MANBAL: variants seen among roughly 807,000 people sequenced by gnomAD.
MANBAL encodes the protein protein MANBAL.
In MANBAL, 1 loss-of-function variant was observed where a neutral mutation model predicts 6.4. The ratio of observed to expected loss-of-function variants is 0.16; its 90% CI spans 0.06 to 0.74. The LOEUF is 0.74. MANBAL is among the 30% of genes least tolerant of loss of function. The pLI, the probability that MANBAL is intolerant of heterozygous loss-of-function variation, is 0.78. For synonymous variants in MANBAL, 47 were observed against 45.8 expected (o/e 1.03, Z -0.10); for missense variants, 100 against 107.8 (o/e 0.93, Z 0.32).
chr20:37,298,477 G>A (rs552398315), intron 1 of MANBAL, among the ~76,000 whole-genome samples: 2 of 151,970 alleles, frequency 1.3e-5, no homozygotes, highest in African/African-American at 4.8e-5. Context: ...CATATAAGGG[G>A]ACTCATACAA....
chr20:37,308,785 A>G (rs887654211), intron 2 of MANBAL, among the ~76,000 whole-genome samples: 5 of 152,178 alleles, frequency 3.3e-5, no homozygotes, highest in African/African-American at 9.7e-5. Context: ...AAGGTGCACG[A>G]AGGTAACTAA....
At chr20:37,300,335 G>T (rs1165452890) in intron 1 of MANBAL, among the ~76,000 whole-genome samples, 1 of 151,996 alleles carries the variant, frequency 6.6e-6, no homozygotes, top group Non-Finnish European at 1.5e-5. Context: ...TACACAAATG[G>T]CTCCCTCTCT....
At chr20:37,313,468 G>A (rs2069436016) in intron 2 of MANBAL, among the ~76,000 whole-genome samples, 1 of 152,258 alleles carries the variant, frequency 6.6e-6, no homozygotes, top group Non-Finnish European at 1.5e-5. Flanking sequence ...ACTGTGGGAG[G>A]CTGAGGCGGG....
chr20:37,305,999 T>G (rs1378841649), intron 2 of MANBAL, among the ~76,000 whole-genome samples: 3 of 151,844 alleles, frequency 2.0e-5, no homozygotes, highest in Non-Finnish European at 2.9e-5. Context: ...GGTTTTAACA[T>G]GGGGACGGGG....
In MANBAL at chr20:37,316,240, G is replaced by A. The variant is rs1296263269; in HGVS notation, c.151-68G>A. On this transcript the variant is annotated intron_variant, in intron 2 of 2. Transcript: ENST00000373606. ...GTGGCATGCTTCTTTGCTTTCAGAT[G>A]TGATCTCCTTTTGCTGGCGTCAGGC... The A allele has an allele frequency of 4.2e-6, 6 of 1,418,604 alleles. No homozygotes were observed. In the South Asian group the frequency reaches 6.1e-5, roughly 14 times the overall value. The allele number at this position is 1,418,604 out of a possible 1,614,324, so 87.9% of individuals were successfully genotyped here. A position where few individuals can be genotyped will look rare whatever the true frequency, so the allele number is the denominator to read the frequency against.
intron 1 of MANBAL, among the ~76,000 whole-genome samples, chr20:37,289,906 G>T (rs111645111): frequency 1.3e-5 from 2 of 152,244 alleles, no homozygotes; most frequent in Admixed American, 6.5e-5. Context: ...GCCTGGGGCA[G>T]CCCTGCGCTT....
Position 37,316,446 on chromosome 20 carries a change from G to A in MANBAL, c.*31G>A. On this transcript the variant is annotated 3_prime_UTR_variant, in exon 3 of 3. Coordinates refer to ENST00000373606, the MANE Select transcript of MANBAL (RefSeq NM_001003897.2). ...GAGGCCTGAGGAGCTGGGCGGGCAGGGAGAGGGTCTTGGGGACAGCCCTCC... is the reference window on the plus strand; with the variant it reads ...GAGGCCTGAGGAGCTGGGCGGGCAGAGAGAGGGTCTTGGGGACAGCCCTCC... 1 of 1,594,352 alleles carries A rather than the reference G, an allele frequency of 6.3e-7. No individual in the cohort carries two copies.
intron 1 of MANBAL, among the ~76,000 whole-genome samples, chr20:37,295,358 C>T (rs1362276047): frequency 6.6e-6 from 1 of 152,138 alleles, no homozygotes; most frequent in Non-Finnish European, 1.5e-5. Flanking sequence ...TAAGAAATAA[C>T]ATTCTAAAAT....
At chr20:37,302,818 G>A (rs2069169304) in intron 2 of MANBAL, among the ~76,000 whole-genome samples, 1 of 151,116 alleles carries the variant, frequency 6.6e-6, no homozygotes, top group Admixed American at 6.6e-5. Context: ...TTTATGTTCA[G>A]TGGGAGCCCC....
chr20:37,299,555 A>G (rs1333538883), intron 1 of MANBAL, among the ~76,000 whole-genome samples: 4 of 152,224 alleles, frequency 2.6e-5, no homozygotes, highest in Non-Finnish European at 4.4e-5. Context: ...ACTTAGCAAA[A>G]TATTGCATTG....
chr20:37,311,576 C>T (rs1271875421), intron 2 of MANBAL, among the ~76,000 whole-genome samples: 2 of 152,208 alleles, frequency 1.3e-5, no homozygotes, highest in Non-Finnish European at 2.9e-5. Context: ...CAGCCCCCAC[C>T]TCCTGGGTTC....
At chr20:37,293,906 T>C (rs2068931117) in intron 1 of MANBAL, among the ~76,000 whole-genome samples, 2 of 152,172 alleles carry the variant, frequency 1.3e-5, no homozygotes. Context: ...GGATTCAGAA[T>C]GTCACATTCT....
intron 2 of MANBAL, among the ~76,000 whole-genome samples, chr20:37,308,986 A>G (rs1429585224): frequency 6.6e-6 from 1 of 152,118 alleles, no homozygotes; most frequent in Admixed American, 6.5e-5. Flanking sequence ...CTACTCTGCC[A>G]TGTTTGTTGA....
chr20:37,289,808 C>G (rs557669915), intron 1 of MANBAL, 122 bp downstream of exon 1: 1 of 152,254 alleles, frequency 6.6e-6, no homozygotes. Flanking sequence ...GCTGTCGCTC[C>G]GCTCAGGGCC....
At chr20:37,302,138 A>C (rs777363431) in intron 2 of MANBAL, 271 of 1,192,044 alleles carry the variant, frequency 2.3e-4, no homozygotes, top group Non-Finnish European at 3.0e-4. Flanking sequence ...TTTCTTGCCC[A>C]CTCCCATTTG....
chr20:37,308,795 A>C (rs1022848408), intron 2 of MANBAL, among the ~76,000 whole-genome samples: 1 of 152,196 alleles, frequency 6.6e-6, no homozygotes, highest in Admixed American at 6.5e-5. Flanking sequence ...AAGGTAACTA[A>C]GCAAGTGGGT....
At chr20:37,315,510 G>A (rs541861400) in intron 2 of MANBAL, among the ~76,000 whole-genome samples, 35 of 152,316 alleles carry the variant, frequency 2.3e-4, no homozygotes, top group African/African-American at 8.4e-4. Flanking sequence ...CACAATGAAC[G>A]CCAGGGCTAG....
chr20:37,308,564 T>C (rs1328912553), intron 2 of MANBAL, among the ~76,000 whole-genome samples: 1 of 152,050 alleles, frequency 6.6e-6, no homozygotes, highest in Non-Finnish European at 1.5e-5. Flanking sequence ...GGGTCTGTGA[T>C]CCCCCTCAAA....
intron 1 of MANBAL, among the ~76,000 whole-genome samples, chr20:37,293,739 C>T (rs2146785276): frequency 6.6e-6 from 1 of 152,304 alleles, no homozygotes; most frequent in Admixed American, 6.5e-5. Flanking sequence ...GAATTGCTCC[C>T]CCGATCCCCT....
Sources: gnomAD v4.1 joint callset for allele counts (sites outside exome capture counted in the v4.1 genomes callset) on GRCh38, gnomAD v4.1.1 for gene constraint, MANE v1.5 for transcripts, NCBI Gene and HGNC (gene_info 2026-07-23, HGNC 2026-07-21) for gene names.